PPP2R5E: variants seen among roughly 807,000 people sequenced by gnomAD.
PPP2R5E encodes protein phosphatase 2 regulatory subunit B'epsilon, also known as serine/threonine-protein phosphatase 2A 56 kDa regulatory subunit epsilon isoform.
In PPP2R5E, 4 loss-of-function variants were observed where a neutral mutation model predicts 65.3. The ratio of observed to expected loss-of-function variants is 0.06; its 90% CI spans 0.03 to 0.14. The LOEUF (loss-of-function observed/expected upper bound fraction) is 0.14. Among genes scored for constraint, PPP2R5E ranks in the 10% least tolerant of loss-of-function variants. PPP2R5E has a pLI of 1.00. For synonymous variants in PPP2R5E, 183 were observed against 187.4 expected (o/e 0.98, Z 0.19); for missense variants, 274 against 556.1 (o/e 0.49, Z 5.10).
In PPP2R5E at chr14:63,473,560, A is replaced by C. The variant is rs1890239606; in HGVS notation, c.158-19675T>G. ...CAGTGTACTAAAGATATACAAGAGT[A>C]AAACCTTCCGTAATTTTAAAGAAAT... is the stretch of plus-strand genomic sequence containing the variant. On this transcript the variant is annotated intron_variant, in intron 2 of 13. Transcript: ENST00000337537. Among the ~76,000 whole-genome samples the C allele has an allele frequency of 2.0e-5, 3 of 152,224 alleles. 1 individual carries two copies. The South Asian group carries it at 6.2e-4, about 32-fold the overall frequency.
intron 2 of PPP2R5E, among the ~76,000 whole-genome samples, chr14:63,527,380 T>C (rs2139746320): frequency 6.6e-6 from 1 of 152,352 alleles, no homozygotes; most frequent in Non-Finnish European, 1.5e-5. Flanking sequence ...TTCTCACAGC[T>C]GTATATACTC....
At chr14:63,476,903 C>G (rs1419296726) in intron 2 of PPP2R5E, among the ~76,000 whole-genome samples, 1 of 152,112 alleles carries the variant, frequency 6.6e-6, no homozygotes, top group Non-Finnish European at 1.5e-5. Flanking sequence ...AAACTAAGAA[C>G]AAGAGGAAGC....
intron 10 of PPP2R5E, among the ~76,000 whole-genome samples, chr14:63,390,000 G>A (rs1009241250): frequency 6.6e-6 from 1 of 151,702 alleles, no homozygotes; most frequent in African/African-American, 2.4e-5. Context: ...ACACTGCACC[G>A]GCCCCTGAGA....
At chr14:63,424,395 T>A (rs1188575043) in intron 3 of PPP2R5E, among the ~76,000 whole-genome samples, 1 of 151,980 alleles carries the variant, frequency 6.6e-6, no homozygotes, top group Non-Finnish European at 1.5e-5. Context: ...CTCAGCAGCA[T>A]ATAGATAATA....
At chr14:63,505,991 C>G (rs1251351087) in intron 2 of PPP2R5E, among the ~76,000 whole-genome samples, 1 of 152,114 alleles carries the variant, frequency 6.6e-6, no homozygotes, top group Non-Finnish European at 1.5e-5. Flanking sequence ...GGTAGTGTTT[C>G]TTTCATTCAT....
intron 3 of PPP2R5E, among the ~76,000 whole-genome samples, chr14:63,433,690 G>A (rs1328077161): frequency 6.6e-6 from 1 of 151,966 alleles, no homozygotes; most frequent in Non-Finnish European, 1.5e-5. Flanking sequence ...AAGCTTCAGT[G>A]TTCTGCTGGG....
Position 63,542,771 on chromosome 14 carries a change from T to G in PPP2R5E, c.-8+8A>C, listed in dbSNP as rs1271563. 62,978 of 153,634 alleles carry G rather than the reference T, an allele frequency of 0.41. 16,400 individuals carry two copies. The highest frequency in any genetic ancestry group is 0.75 in the African/African-American group (31,320 of 41,528). 9.5% of individuals were successfully genotyped at this position (153,634 alleles called of 1,614,324 possible). A position where few individuals can be genotyped will look rare whatever the true frequency, so the allele number is the denominator to read the frequency against. ...GGGCGAGCCGCGGTGCTGGAGGGAC[T>G]AAGTTACCTTGAAGCTTCTGGGGAA... On this transcript the variant is annotated splice_region_variant and intron_variant, in intron 1 of 13. Coordinates refer to ENST00000337537, the MANE Select transcript of PPP2R5E (RefSeq NM_006246.5).
intron 2 of PPP2R5E, among the ~76,000 whole-genome samples, chr14:63,522,886 G>A: frequency 6.8e-6 from 1 of 147,228 alleles, no homozygotes; most frequent in East Asian, 2.0e-4. Context: ...CGCCCGGCCA[G>A]CCGCCCCGTC....
At chr14:63,427,352 C>T (rs541085796) in intron 3 of PPP2R5E, among the ~76,000 whole-genome samples, 8 of 152,022 alleles carry the variant, frequency 5.3e-5, no homozygotes, top group East Asian at 1.9e-4. Context: ...ATATTAGATA[C>T]ATTTATTTTT....
rs145450765 is a variant in PPP2R5E at position 63,400,850 on chromosome 14, T to C, written c.550-4134A>G. Among the ~76,000 whole-genome samples, 260 of 152,266 alleles carry C rather than the reference T, an allele frequency of 1.7e-3. 1 individual carries two copies. The highest frequency in any genetic ancestry group is 5.9e-3 in the African/African-American group (246 of 41,544). On this transcript the variant is annotated intron_variant, in intron 5 of 13. Transcript: ENST00000337537. ...ATAATTAACCTTGTAAGTTTTATTT[T>C]TTAAATTTCGTTTCTACTTTTAAGT...
chr14:63,501,074 T>C (rs1005031201), intron 2 of PPP2R5E, among the ~76,000 whole-genome samples: 6 of 152,086 alleles, frequency 3.9e-5, no homozygotes, highest in African/African-American at 7.2e-5. Flanking sequence ...AGTCAGACAC[T>C]TGTAAGAGGG....
intron 2 of PPP2R5E, among the ~76,000 whole-genome samples, chr14:63,465,527 G>A (rs1018942774): frequency 1.3e-5 from 2 of 151,836 alleles, no homozygotes; most frequent in African/African-American, 4.8e-5. Flanking sequence ...TTAGGAGGCT[G>A]AGGTCAGAGG....
chr14:63,371,411 C>G lies in PPP2R5E; in HGVS notation c.*4598G>C, dbSNP rs1455098536. On this transcript the variant is annotated 3_prime_UTR_variant, in exon 14 of 14. Transcript: ENST00000337537. The stretch of plus-strand genomic sequence containing the variant: ...ATGATGCACCCACAGTACAGAACCT[C>G]TCACACATCTGTGAAAGGGGAAGGT... 1 of 152,220 alleles carries G rather than the reference C, an allele frequency of 6.6e-6. No homozygotes were observed. The highest frequency in any genetic ancestry group is 1.5e-5 in the Non-Finnish European group (1 of 68,040). The allele number at this position is 152,220 out of a possible 1,614,324, so 9.4% of individuals were successfully genotyped here.
intron 2 of PPP2R5E, among the ~76,000 whole-genome samples, chr14:63,473,943 T>C (rs1466405773): frequency 1.3e-5 from 2 of 152,144 alleles, no homozygotes; most frequent in African/African-American, 2.4e-5. Flanking sequence ...CATGACAGTA[T>C]TAAAGTTGGA....
intron 2 of PPP2R5E, among the ~76,000 whole-genome samples, chr14:63,522,765 A>T (rs1378343641): frequency 6.7e-6 from 1 of 149,066 alleles, no homozygotes; most frequent in Non-Finnish European, 1.5e-5. Flanking sequence ...CCCGTCTGAG[A>T]AGTGAGGAGC....
chr14:63,450,483 G>A (rs984345147), intron 3 of PPP2R5E, among the ~76,000 whole-genome samples: 17 of 152,144 alleles, frequency 1.1e-4, no homozygotes, highest in Non-Finnish European at 2.9e-5. Flanking sequence ...TCCCTTAGGA[G>A]ACCAAAGCTG....
intron 2 of PPP2R5E, among the ~76,000 whole-genome samples, chr14:63,482,635 G>A (rs577863979): frequency 6.6e-6 from 1 of 152,300 alleles, no homozygotes; most frequent in South Asian, 2.1e-4. Context: ...ACATCTGGCT[G>A]ACTCCGACAT....
chr14:63,435,187 T>C lies in PPP2R5E; in HGVS notation c.355-13093A>G, dbSNP rs146728465. On this transcript the variant is annotated intron_variant, in intron 3 of 13. Coordinates refer to ENST00000337537, the MANE Select transcript of PPP2R5E (RefSeq NM_006246.5). ...CAAGTATATATAATTGCTAAATTCA[T>C]TGAACGTTCATTGCCTAAGATCTGT... Among the ~76,000 whole-genome samples, 932 of 152,294 alleles carry C rather than the reference T, an allele frequency of 6.1e-3. 4 individuals carry two copies. Among genetic ancestry groups the C allele is most frequent in the Middle Eastern group, 0.01 (3 of 294 alleles).
chr14:63,429,689 G>GTTTTTTT, intron 3 of PPP2R5E, among the ~76,000 whole-genome samples: 1 of 144,462 alleles, frequency 6.9e-6, no homozygotes, highest in South Asian at 2.2e-4. Flanking sequence ...TTTGTTTTTT[G>GTTTTTTT]TTTTTTTTTT....
Sources: allele counts gnomAD v4.1 joint callset (sites outside exome capture counted in the v4.1 genomes callset), GRCh38; gene constraint gnomAD v4.1.1; transcripts MANE v1.5; gene names NCBI Gene and HGNC (gene_info 2026-07-23, HGNC 2026-07-21).